Variants in PKIB observed in about 807,000 individuals in gnomAD.
PKIB encodes the protein cAMP-dependent protein kinase inhibitor beta.
In PKIB, 2 loss-of-function variants were observed where a neutral mutation model predicts 4.5. The observed-to-expected ratio is 0.44, with a 90% CI of 0.18 to 1.39. The LOEUF (loss-of-function observed/expected upper bound fraction) is 1.39. Ranked by LOEUF, PKIB falls within the 40% of genes most tolerant of loss-of-function variation. The probability of loss-of-function intolerance (pLI) is 0.27; values close to 1 mark genes in which losing one functional copy is unlikely to be tolerated. For missense variants in PKIB, 94 were observed against 92.6 expected, an observed-to-expected ratio of 1.02 and a Z score of -0.06; for synonymous variants, 38 against 36.0, an observed-to-expected ratio of 1.06 and a Z score of -0.20.
rs1779930145 is a variant in PKIB at position 122,725,753 on chromosome 6, A to G, written c.*558A>G. The G allele has an allele frequency of 6.6e-6, 1 of 152,226 alleles. No individual in the cohort carries two copies. Among genetic ancestry groups the G allele is most frequent in the Non-Finnish European group, 1.5e-5 (1 of 68,038 alleles). 9.4% of individuals were successfully genotyped at this position (152,226 alleles called of 1,614,324 possible). A position where few individuals can be genotyped will look rare whatever the true frequency, so the allele number is the denominator to read the frequency against. On this transcript the variant is annotated 3_prime_UTR_variant, in exon 5 of 5. Coordinates refer to ENST00000368452, the MANE Select transcript of PKIB (RefSeq NM_181795.3). ...ATTGTAAAAGTTTGATAACAGAAAC[A>G]TCTTTAGGATATTTTTGTCTGACAT... is the stretch of plus-strand genomic sequence containing the variant.
intron 2 of PKIB, among the ~76,000 whole-genome samples, chr6:122,569,968 T>C (rs1450590989): frequency 6.6e-6 from 1 of 152,154 alleles, no homozygotes; most frequent in African/African-American, 2.4e-5. Flanking sequence ...GGTGTCCTTA[T>C]TCCCATGAGT....
At chr6:122,649,724 T>C (rs191219407) in intron 2 of PKIB, among the ~76,000 whole-genome samples, 2 of 152,282 alleles carry the variant, frequency 1.3e-5, no homozygotes, top group Admixed American at 1.3e-4. Context: ...TGGTGGCCCA[T>C]GGTGAGGTGT....
intron 1 of PKIB, among the ~76,000 whole-genome samples, chr6:122,619,627 C>A (rs1197670965): frequency 1.3e-5 from 2 of 152,042 alleles, no homozygotes; most frequent in Non-Finnish European, 2.9e-5. Flanking sequence ...ACAACCTGAG[C>A]CCTAGAAGGA....
At chr6:122,710,574 T>G (rs1025234148) in intron 3 of PKIB, among the ~76,000 whole-genome samples, 7 of 152,158 alleles carry the variant, frequency 4.6e-5, no homozygotes, top group Admixed American at 3.3e-4. Context: ...GAAATTTGCT[T>G]ACTTATTTTC....
chr6:122,647,580 G>C (rs1026730393), intron 2 of PKIB, among the ~76,000 whole-genome samples: 6 of 152,174 alleles, frequency 3.9e-5, no homozygotes, highest in African/African-American at 1.4e-4. Flanking sequence ...CCTAGAAGAG[G>C]ATGCAATGTC....
chr6:122,544,428 T>C (rs927496653), intron 2 of PKIB, among the ~76,000 whole-genome samples: 3 of 151,828 alleles, frequency 2.0e-5, no homozygotes, highest in African/African-American at 7.3e-5. Context: ...ACCTGTAAAA[T>C]AAACCCCACA....
chr6:122,609,552 A>T (rs1310849877), upstream of PKIB, among the ~76,000 whole-genome samples: 1 of 152,224 alleles, frequency 6.6e-6, no homozygotes, highest in Non-Finnish European at 1.5e-5. Context: ...TTGGGTGGCA[A>T]GTCAGAGCAT....
At chr6:122,609,991 C>T (rs1015010879), upstream of PKIB, among the ~76,000 whole-genome samples, 1 of 152,236 alleles carries the variant, frequency 6.6e-6, no homozygotes, top group South Asian at 2.1e-4. Context: ...ACACCTGGAG[C>T]ACAAACCCTG....
chr6:122,589,934 A>G (rs191580215), intron 3 of PKIB, among the ~76,000 whole-genome samples: 183 of 152,258 alleles, frequency 1.2e-3, no homozygotes, highest in South Asian at 5.6e-3. Flanking sequence ...TAAAGTTCAG[A>G]ATTTTCAGTC....
chr6:122,613,764 G>C (rs558773445), intron 1 of PKIB, among the ~76,000 whole-genome samples: 20 of 151,962 alleles, frequency 1.3e-4, no homozygotes, highest in African/African-American at 4.4e-4. Context: ...AAGAGGTAGA[G>C]ACCATCCTAG....
At chr6:122,556,418 C>T (rs1772842648) in intron 2 of PKIB, among the ~76,000 whole-genome samples, 1 of 152,214 alleles carries the variant, frequency 6.6e-6, no homozygotes, top group African/African-American at 2.4e-5. Flanking sequence ...GGCACAACAA[C>T]TTGTCAACTT....
intron 3 of PKIB, among the ~76,000 whole-genome samples, chr6:122,588,699 G>C (rs1426758379): frequency 1.3e-5 from 2 of 152,038 alleles, no homozygotes; most frequent in Non-Finnish European, 2.9e-5. Flanking sequence ...ATTATTTCTT[G>C]TTAATTCCTT....
intron 2 of PKIB, among the ~76,000 whole-genome samples, chr6:122,583,960 G>T (rs544608548): frequency 3.3e-5 from 5 of 152,104 alleles, no homozygotes; most frequent in African/African-American, 1.2e-4. Context: ...TTGCAGTGTG[G>T]GAGTGTCTAA....
At chr6:122,492,896 T>C (rs186634423) in intron 2 of PKIB, among the ~76,000 whole-genome samples, 1 of 152,152 alleles carries the variant, frequency 6.6e-6, no homozygotes, top group East Asian at 1.9e-4. Flanking sequence ...GTTTAAGCCA[T>C]TGTCATTAAA....
At chr6:122,654,535 G>A (rs1033060488) in intron 2 of PKIB, among the ~76,000 whole-genome samples, 2 of 152,108 alleles carry the variant, frequency 1.3e-5, no homozygotes, top group African/African-American at 4.8e-5. Context: ...TTAATAATGG[G>A]CATTTATTGA....
intron 2 of PKIB, among the ~76,000 whole-genome samples, chr6:122,495,547 C>T (rs775080911): frequency 6.6e-5 from 10 of 152,066 alleles, no homozygotes; most frequent in Non-Finnish European, 1.3e-4. Context: ...TAGTCCTGGC[C>T]CTTCAGGAGT....
chr6:122,690,606 C>G (rs1402597073), intron 3 of PKIB, among the ~76,000 whole-genome samples: 2 of 152,046 alleles, frequency 1.3e-5, no homozygotes, highest in Non-Finnish European at 2.9e-5. Context: ...TCTTACTATA[C>G]TGTCTATGTC....
At chr6:122,514,812 C>T (rs77161722) in intron 2 of PKIB, among the ~76,000 whole-genome samples, 3,906 of 152,222 alleles carry the variant, frequency 0.026, 163 homozygotes, top group African/African-American at 0.09. Context: ...CCAACTCACC[C>T]CTTCCCCTAT....
intron 2 of PKIB, among the ~76,000 whole-genome samples, chr6:122,536,714 A>T (rs1451416051): frequency 6.6e-6 from 1 of 152,110 alleles, no homozygotes; most frequent in Non-Finnish European, 1.5e-5. Flanking sequence ...AAACTTAAAA[A>T]CTATGTACCA....
Sources: allele counts gnomAD v4.1 joint callset (sites outside exome capture counted in the v4.1 genomes callset), GRCh38; gene constraint gnomAD v4.1.1; transcripts MANE v1.5; gene names NCBI Gene and HGNC (gene_info 2026-07-23, HGNC 2026-07-21).